ASPRV1: variants seen among roughly 807,000 people sequenced by gnomAD.
The protein encoded by ASPRV1 is aspartic peptidase retroviral like 1.
A neutral mutation model predicts 11.0 loss-of-function variants in ASPRV1; 7 were observed. The ratio of observed to expected loss-of-function variants is 0.64; its 90% confidence interval spans 0.36 to 1.20. The LOEUF (loss-of-function observed/expected upper bound fraction) is 1.20, where lower values mean the gene tolerates loss of function less well. ASPRV1 is among the 50% of genes most tolerant of loss of function. ASPRV1 has a pLI of 0.02. For missense variants in ASPRV1, 299 were observed against 320.0 expected (o/e 0.93, Z 0.50); for synonymous variants, 136 against 138.4 (o/e 0.98, Z 0.12).
chr2:70,025,026 TA>T, the ASPRV1 span, among the ~76,000 whole-genome samples: 11 of 152,368 alleles, frequency 7.2e-5, no homozygotes, highest in East Asian at 2.1e-3. Flanking sequence ...TCCACATATA[TA>T]AACACTATTG....
chr2:70,014,878 A>T, the ASPRV1 span, among the ~76,000 whole-genome samples: 2 of 152,008 alleles, frequency 1.3e-5, no homozygotes, highest in African/African-American at 4.8e-5. Flanking sequence ...TGCAAATCTT[A>T]TATCTGAAAA....
the ASPRV1 span, among the ~76,000 whole-genome samples, chr2:69,997,187 TAAA>T: frequency 7.3e-6 from 1 of 136,130 alleles, no homozygotes; most frequent in Admixed American, 7.3e-5. Flanking sequence ...CCCAGTCTAT[TAAA>T]AAAAAAAAAA....
At chr2:70,008,028 G>T in the ASPRV1 span, among the ~76,000 whole-genome samples, 2 of 151,974 alleles carry the variant, frequency 1.3e-5, no homozygotes, top group African/African-American at 4.8e-5. Context: ...TAGCGACAGG[G>T]TTTCACTATG....
chr2:69,939,454 T>C, the ASPRV1 span: 1 of 152,656 alleles, frequency 6.6e-6, no homozygotes. Context: ...CTTTGTAGCA[T>C]TTTTATTTAA....
chr2:70,042,073 A>T, the ASPRV1 span, among the ~76,000 whole-genome samples: 1 of 151,046 alleles, frequency 6.6e-6, no homozygotes, highest in African/African-American at 2.4e-5. Context: ...CATATTCTGT[A>T]AGATTTTAAT....
At chr2:70,027,437 A>G in the ASPRV1 span, among the ~76,000 whole-genome samples, 5 of 152,168 alleles carry the variant, frequency 3.3e-5, no homozygotes, top group Non-Finnish European at 5.9e-5. Flanking sequence ...TATATTAAAG[A>G]GATATCTGCA....
At chr2:70,065,422 TC>T in the ASPRV1 span, among the ~76,000 whole-genome samples, 4 of 149,848 alleles carry the variant, frequency 2.7e-5, no homozygotes, top group Non-Finnish European at 5.9e-5. Context: ...AAGACAATAT[TC>T]CTGTTCTCTT....
At chr2:70,073,561 CAG>C in the ASPRV1 span, among the ~76,000 whole-genome samples, 1 of 152,068 alleles carries the variant, frequency 6.6e-6, no homozygotes, top group African/African-American at 2.4e-5. Flanking sequence ...GTATTTAAAA[CAG>C]TGTCTGACAC....
At chr2:70,060,923 G>A in the ASPRV1 span, among the ~76,000 whole-genome samples, 2 of 152,172 alleles carry the variant, frequency 1.3e-5, no homozygotes, top group African/African-American at 4.8e-5. Flanking sequence ...CTACATACTA[G>A]GCCCTGAAGA....
chr2:70,024,529 C>T, the ASPRV1 span, among the ~76,000 whole-genome samples: 2 of 152,200 alleles, frequency 1.3e-5, no homozygotes, highest in African/African-American at 2.4e-5. Flanking sequence ...CTTGCCTCCC[C>T]AAGGGGCAGC....
the ASPRV1 span, among the ~76,000 whole-genome samples, chr2:70,004,567 A>G: frequency 6.0e-5 from 9 of 149,746 alleles, no homozygotes; most frequent in Non-Finnish European, 1.0e-4. Context: ...GGGGTAATTG[A>G]GTGCTAGTCA....
At chr2:70,077,444 T>TA in the ASPRV1 span, 2 of 152,202 alleles carry the variant, frequency 1.3e-5, no homozygotes, top group Non-Finnish European at 2.9e-5. Context: ...AGCAATATTC[T>TA]AAAGTCTTTG....
At chr2:70,046,963 G>A in the ASPRV1 span, among the ~76,000 whole-genome samples, 2 of 152,098 alleles carry the variant, frequency 1.3e-5, no homozygotes, top group Non-Finnish European at 2.9e-5. Context: ...CATACGGAGG[G>A]ATGAAAGTAT....
chr2:70,061,956 T>A, the ASPRV1 span, among the ~76,000 whole-genome samples: 2 of 143,040 alleles, frequency 1.4e-5, no homozygotes, highest in African/African-American at 5.2e-5. Context: ...AGAGCAAAAC[T>A]CTGTCTCAAA....
chr2:70,005,024 A>G, the ASPRV1 span, among the ~76,000 whole-genome samples: 13 of 152,046 alleles, frequency 8.6e-5, no homozygotes, highest in African/African-American at 3.1e-4. Flanking sequence ...CCTCAAGCCC[A>G]TGCCACCCTC....
At chr2:70,038,147 A>G in the ASPRV1 span, among the ~76,000 whole-genome samples, 1 of 152,258 alleles carries the variant, frequency 6.6e-6, no homozygotes, top group Non-Finnish European at 1.5e-5. Context: ...ACCATTATGC[A>G]GATAAGCAGT....
chr2:69,982,813 C>T, the ASPRV1 span, among the ~76,000 whole-genome samples: 1 of 152,220 alleles, frequency 6.6e-6, no homozygotes. Flanking sequence ...CTTTAAGATG[C>T]CCTGAGCAGA....
At chr2:70,067,032 T>C in the ASPRV1 span, among the ~76,000 whole-genome samples, 1 of 152,198 alleles carries the variant, frequency 6.6e-6, no homozygotes, top group African/African-American at 2.4e-5. Flanking sequence ...AAGATTCACA[T>C]AGCAATTAGT....
chr2:70,056,456 T>G, the ASPRV1 span: 1 of 151,260 alleles, frequency 6.6e-6, no homozygotes, highest in East Asian at 2.0e-4. Flanking sequence ...ATACAAAAAA[T>G]TAGCCGGGCG....
Sources: allele counts gnomAD v4.1 joint callset (sites outside exome capture counted in the v4.1 genomes callset), GRCh38; gene constraint gnomAD v4.1.1; transcripts MANE v1.5; gene names NCBI Gene and HGNC (gene_info 2026-07-23, HGNC 2026-07-21).